HMBOX1: variants seen among roughly 807,000 people sequenced by gnomAD.
The protein encoded by HMBOX1 is homeobox containing 1, also known as homeobox-containing protein 1.
In HMBOX1, 14 loss-of-function variants were observed where a neutral mutation model predicts 54.5. The ratio of observed to expected loss-of-function variants is 0.26; its 90% CI spans 0.17 to 0.40. The LOEUF is 0.40. HMBOX1 is among the 10% of genes least tolerant of loss of function. The probability of loss-of-function intolerance (pLI) is 1.00; values close to 1 mark genes in which losing one functional copy is unlikely to be tolerated. For missense variants in HMBOX1, 332 were observed against 514.4 expected (o/e 0.65, Z 3.43); for synonymous variants, 160 against 181.0 (o/e 0.88, Z 0.93).
chr8:28,903,794 AAT>A (rs1813709941), intron 1 of HMBOX1, among the ~76,000 whole-genome samples: 1 of 152,242 alleles, frequency 6.6e-6, no homozygotes, highest in Admixed American at 6.5e-5. Flanking sequence ...CTTTAATCAA[AAT>A]ATATAGACAT....
At chr8:29,038,265 A>C (rs1365171263) in intron 6 of HMBOX1, among the ~76,000 whole-genome samples, 3 of 152,126 alleles carry the variant, frequency 2.0e-5, no homozygotes, top group Admixed American at 2.0e-4. Context: ...CTTTGTTGTC[A>C]TTGTCTGGCA....
At chr8:29,043,162 C>G (rs1805089325) in intron 6 of HMBOX1, among the ~76,000 whole-genome samples, 1 of 152,204 alleles carries the variant, frequency 6.6e-6, no homozygotes, top group Admixed American at 6.5e-5. Flanking sequence ...CTTTCCAGGC[C>G]AGTATCTCAT....
intron 1 of HMBOX1, among the ~76,000 whole-genome samples, chr8:28,932,073 A>G (rs1224305481): frequency 6.6e-6 from 1 of 152,196 alleles, no homozygotes; most frequent in African/African-American, 2.4e-5. Flanking sequence ...GGTCTCTTTG[A>G]TGTGACATTT....
chr8:28,963,942 TTAAGA>T (rs1563480464), intron 2 of HMBOX1, 52 bp downstream of exon 2: 1 of 1,363,440 alleles, frequency 7.3e-7, no homozygotes. Flanking sequence ...TTTAGTAAAG[TTAAGA>T]TGTCACTATG....
At chr8:29,012,679 T>C (rs1323893218) in intron 5 of HMBOX1, among the ~76,000 whole-genome samples, 1 of 152,216 alleles carries the variant, frequency 6.6e-6, no homozygotes, top group East Asian at 1.9e-4. Context: ...CACAGCCTAA[T>C]GTGTCTTTCT....
intron 1 of HMBOX1, among the ~76,000 whole-genome samples, chr8:28,896,382 G>GCA (rs1554518022): frequency 7.2e-4 from 108 of 150,216 alleles, no homozygotes; most frequent in South Asian, 1.0e-3. Context: ...TTTATCACAG[G>GCA]TGTGTAGATT....
chr8:29,041,651 G>T (rs543771745), intron 6 of HMBOX1, among the ~76,000 whole-genome samples: 11 of 152,224 alleles, frequency 7.2e-5, no homozygotes, highest in African/African-American at 2.6e-4. Flanking sequence ...TATTTGAGCT[G>T]TACCCTGAAA....
intron 4 of HMBOX1, among the ~76,000 whole-genome samples, chr8:28,995,887 G>A (rs1425860658): frequency 6.6e-6 from 1 of 152,138 alleles, no homozygotes; most frequent in Non-Finnish European, 1.5e-5. Context: ...TGGATCACAA[G>A]GTCAGGAGAT....
At chr8:28,990,956 T>C (rs1004415064) in intron 4 of HMBOX1, among the ~76,000 whole-genome samples, 1 of 152,046 alleles carries the variant, frequency 6.6e-6, no homozygotes, top group African/African-American at 2.4e-5. Flanking sequence ...GCCCGGCTCT[T>C]TCTAGTCTTA....
At chr8:29,030,284 C>T (rs555772654) in intron 6 of HMBOX1, among the ~76,000 whole-genome samples, 51 of 150,610 alleles carry the variant, frequency 3.4e-4, no homozygotes, top group African/African-American at 1.2e-3. Context: ...ATGGCGTGAT[C>T]TCAGCTCACT....
chr8:28,895,546 A>C (rs1811935722), intron 1 of HMBOX1, among the ~76,000 whole-genome samples: 3 of 152,052 alleles, frequency 2.0e-5, no homozygotes, highest in African/African-American at 7.3e-5. Flanking sequence ...ATGGTGGTGC[A>C]TGCCTGTAAT....
At chr8:28,903,919 G>A (rs1435195138) in intron 1 of HMBOX1, among the ~76,000 whole-genome samples, 1 of 152,164 alleles carries the variant, frequency 6.6e-6, no homozygotes, top group Non-Finnish European at 1.5e-5. Flanking sequence ...CTACTGCAAT[G>A]GGAGTGCTAT....
intron 4 of HMBOX1, among the ~76,000 whole-genome samples, chr8:28,981,862 T>A (rs1188519332): frequency 6.6e-6 from 1 of 152,202 alleles, no homozygotes; most frequent in Non-Finnish European, 1.5e-5. Flanking sequence ...CTGAAAGATA[T>A]GTTTTCCCAT....
At chr8:29,026,558 A>C (rs1802078995) in intron 6 of HMBOX1, among the ~76,000 whole-genome samples, 1 of 152,210 alleles carries the variant, frequency 6.6e-6, no homozygotes, top group African/African-American at 2.4e-5. Context: ...GCATTTATTC[A>C]GTGCACTGTT....
At chr8:29,034,123 T>C (rs1348566200) in intron 6 of HMBOX1, among the ~76,000 whole-genome samples, 1 of 152,236 alleles carries the variant, frequency 6.6e-6, no homozygotes, top group Non-Finnish European at 1.5e-5. Flanking sequence ...TATATGTGTT[T>C]GGTGTTTGAA....
At chr8:28,992,642 G>A (rs899006763) in intron 4 of HMBOX1, among the ~76,000 whole-genome samples, 1 of 151,922 alleles carries the variant, frequency 6.6e-6, no homozygotes, top group African/African-American at 2.4e-5. Context: ...AATCCGAGTG[G>A]GGTGGATCAC....
intron 4 of HMBOX1, among the ~76,000 whole-genome samples, chr8:29,008,015 T>A (rs1465498092): frequency 6.6e-6 from 1 of 152,184 alleles, no homozygotes; most frequent in Non-Finnish European, 1.5e-5. Flanking sequence ...TACTTCATGA[T>A]AGCTACTCTT....
intron 1 of HMBOX1, among the ~76,000 whole-genome samples, chr8:28,946,605 G>A (rs1586002684): frequency 6.6e-6 from 1 of 152,132 alleles, no homozygotes; most frequent in East Asian, 1.9e-4. Context: ...TGTTTGATAT[G>A]TATTTTCAAA....
chr8:29,032,076 G>T (rs1025443282), intron 6 of HMBOX1, among the ~76,000 whole-genome samples: 1 of 152,198 alleles, frequency 6.6e-6, no homozygotes, highest in Non-Finnish European at 1.5e-5. Flanking sequence ...CAGCCAGATT[G>T]GGAATGACCT....
Sources: allele counts gnomAD v4.1 joint callset (sites outside exome capture counted in the v4.1 genomes callset), GRCh38; gene constraint gnomAD v4.1.1; transcripts MANE v1.5; gene names NCBI Gene and HGNC (gene_info 2026-07-23, HGNC 2026-07-21).